The following SLCO1B1 variants were observed in gnomAD, a reference collection of about 807,000 sequenced individuals.
SLCO1B1 encodes the protein OATP-2.
In SLCO1B1, 81 loss-of-function variants were observed where a neutral mutation model predicts 70.1. The ratio of observed to expected loss-of-function variants is 1.16; its 90% CI spans 0.97 to 1.39. SLCO1B1 has a LOEUF of 1.39. SLCO1B1 is among the 40% of genes most tolerant of loss of function. SLCO1B1 has a pLI of 0.00. For missense variants in SLCO1B1, 895 were observed against 799.6 expected (o/e 1.12, Z -1.44); for synonymous variants, 283 against 271.5 (o/e 1.04, Z -0.42).
intron 11 of SLCO1B1, among the ~76,000 whole-genome samples, chr12:21,209,990 T>A (rs1435904908): frequency 4.0e-5 from 6 of 151,786 alleles, no homozygotes; most frequent in Non-Finnish European, 8.8e-5. Flanking sequence ...TTGTGAAAAT[T>A]TTCTCCCATT....
chr12:21,226,437 T>A (rs979553431), intron 14 of SLCO1B1, among the ~76,000 whole-genome samples: 94 of 151,364 alleles, frequency 6.2e-4, no homozygotes, highest in African/African-American at 2.2e-3. Context: ...AAAAGAACAT[T>A]AAAAAAAATT....
chr12:21,202,163 A>G (rs1473878284), intron 9 of SLCO1B1, among the ~76,000 whole-genome samples: 1 of 152,152 alleles, frequency 6.6e-6, no homozygotes, highest in East Asian at 1.9e-4. Flanking sequence ...GAACAATGAG[A>G]ACACATGGAC....
intron 14 of SLCO1B1, among the ~76,000 whole-genome samples, chr12:21,235,637 T>A (rs994225517): frequency 6.6e-6 from 1 of 152,064 alleles, no homozygotes; most frequent in African/African-American, 2.4e-5. Context: ...CTTAATAGGA[T>A]CTGTAGGCTT....
At chr12:21,172,568 G>T in intron 2 of SLCO1B1, 82 bp from the exon 3 acceptor site, 1 of 1,421,128 alleles carries the variant, frequency 7.0e-7, no homozygotes, top group Non-Finnish European at 9.9e-7. Context: ...AAAGAAGAAA[G>T]CTATTATAAT....
intron 12 of SLCO1B1, among the ~76,000 whole-genome samples, chr12:21,222,020 G>A (rs144597768): frequency 1.0e-3 from 159 of 152,024 alleles, no homozygotes; most frequent in African/African-American, 3.7e-3. Flanking sequence ...AATAAAGTCT[G>A]TTCTAACCAC....
intron 2 of SLCO1B1, among the ~76,000 whole-genome samples, chr12:21,170,493 T>A (rs763447923): frequency 3.3e-5 from 5 of 152,238 alleles, no homozygotes; most frequent in Non-Finnish European, 7.3e-5. Flanking sequence ...TAAAATGATT[T>A]TTTAATGATT....
chr12:21,141,861 A>T (rs12812795), intron 2 of SLCO1B1, among the ~76,000 whole-genome samples: 7,203 of 151,924 alleles, frequency 0.047, 191 homozygotes, highest in Admixed American at 0.081. Flanking sequence ...GAAATTTTTG[A>T]TGCTTAATAG....
intron 2 of SLCO1B1, among the ~76,000 whole-genome samples, chr12:21,152,727 A>G (rs1389210358): frequency 2.0e-5 from 3 of 151,894 alleles, no homozygotes; most frequent in Admixed American, 2.0e-4. Context: ...CTAATAACAC[A>G]CCATCTTATG....
chr12:21,225,004 C>T (rs945985874), intron 14 of SLCO1B1, among the ~76,000 whole-genome samples, 165 bp downstream of exon 14: 2 of 151,864 alleles, frequency 1.3e-5, no homozygotes, highest in Non-Finnish European at 2.9e-5. Flanking sequence ...CATTTTAGTA[C>T]TCATAGAAAC....
rs201732063 is a variant in SLCO1B1 at position 21,210,932 on chromosome 12, G to T, written c.1497+4899G>T. Among the ~76,000 whole-genome samples, 3,468 of 152,168 alleles carry T rather than the reference G, an allele frequency of 0.023. 348 individuals are homozygous for T. The East Asian group carries it at 0.33, about 15-fold the overall frequency. On this transcript the variant is annotated intron_variant, in intron 11 of 14. Coordinates refer to ENST00000256958, the MANE Select transcript of SLCO1B1 (RefSeq NM_006446.5). ...TTTTGTATCCTGAGACTTTGCTGAA[G>T]TTGCTTATCAGTTTAAGGAGATTTT... is the stretch of plus-strand genomic sequence containing the variant.
chr12:21,222,397 A>AATATAT lies in SLCO1B1; in HGVS notation c.1747+59_1747+64dup, dbSNP rs751514211. The stretch of plus-strand genomic sequence containing the variant: ...GAAAAAAAAAAAAAAAAAAAAAAAA[A>AATATAT]ATATATATATATATATATATATATA... On this transcript the variant is annotated intron_variant, in intron 13 of 14. Coordinates refer to ENST00000256958, the MANE Select transcript of SLCO1B1 (RefSeq NM_006446.5). 3.0e-3 allele frequency: 290 copies of AATATAT among 97,612 alleles called. 1 individual carries two copies. The highest frequency in any genetic ancestry group is 5.5e-3 in the East Asian group (15 of 2,706). 6.0% of individuals were successfully genotyped at this position (97,612 alleles called of 1,614,324 possible). A position where few individuals can be genotyped will look rare whatever the true frequency, so the allele number is the denominator to read the frequency against.
chr12:21,138,958 A>G (rs1160586899), intron 1 of SLCO1B1, among the ~76,000 whole-genome samples: 1 of 152,150 alleles, frequency 6.6e-6, no homozygotes, highest in Admixed American at 6.6e-5. Flanking sequence ...GTGTCGTTAA[A>G]GGGATCTTTG....
At chr12:21,205,231 A>C (rs1941201850) in intron 10 of SLCO1B1, among the ~76,000 whole-genome samples, 1 of 151,780 alleles carries the variant, frequency 6.6e-6, no homozygotes, top group African/African-American at 2.4e-5. Flanking sequence ...TAGCTATGTT[A>C]TAATCATATT....
chr12:21,153,002 T>G (rs944454835), intron 2 of SLCO1B1, among the ~76,000 whole-genome samples: 2 of 152,318 alleles, frequency 1.3e-5, no homozygotes, highest in Admixed American at 6.5e-5. Flanking sequence ...TTATCAATTA[T>G]AGTGAAGGTA....
intron 11 of SLCO1B1, among the ~76,000 whole-genome samples, chr12:21,208,948 G>A (rs1941245667): frequency 6.6e-6 from 1 of 151,846 alleles, no homozygotes; most frequent in South Asian, 2.1e-4. Context: ...GTATAGAAAT[G>A]CTACTAATTT....
chr12:21,222,372 G>GA lies in SLCO1B1; in HGVS notation c.1747+34dup, dbSNP rs4149102. ...TGGTTATACGAGCACTAGGTATGAT[G>GA]AAAAAAAAAAAAAAAAAAAAAAAAA... On this transcript the variant is annotated intron_variant, in intron 13 of 14. Coordinates refer to ENST00000256958, the MANE Select transcript of SLCO1B1 (RefSeq NM_006446.5). 87 of 24,952 alleles carry GA rather than the reference G, an allele frequency of 3.5e-3. 18 individuals are homozygous for GA. The highest frequency in any genetic ancestry group is 0.014 in the African/African-American group (45 of 3,258). 1.5% of individuals were successfully genotyped at this position (24,952 alleles called of 1,614,324 possible).
intron 2 of SLCO1B1, among the ~76,000 whole-genome samples, chr12:21,165,319 G>A (rs1049598531): frequency 6.6e-6 from 1 of 151,882 alleles, no homozygotes; most frequent in Admixed American, 6.6e-5. Flanking sequence ...AGCTGGAGAC[G>A]GTAGCTCAAA....
intron 2 of SLCO1B1, among the ~76,000 whole-genome samples, chr12:21,166,913 A>G (rs7958671): frequency 3.3e-5 from 5 of 152,202 alleles, no homozygotes; most frequent in Non-Finnish European, 7.4e-5. Context: ...ATATGAGAAT[A>G]GGTAAAGCGA....
chr12:21,166,857 C>G (rs1940692844), intron 2 of SLCO1B1, among the ~76,000 whole-genome samples: 1 of 152,138 alleles, frequency 6.6e-6, no homozygotes, highest in Admixed American at 6.5e-5. Context: ...TTATAGCAGC[C>G]TTATTGATAA....
Sources: allele counts gnomAD v4.1 joint callset (sites outside exome capture counted in the v4.1 genomes callset), GRCh38; gene constraint gnomAD v4.1.1; transcripts MANE v1.5; gene names NCBI Gene and HGNC (gene_info 2026-07-23, HGNC 2026-07-21).